Variants in LRRTM3 observed in about 807,000 individuals in gnomAD.
LRRTM3 encodes leucine-rich repeat transmembrane neuronal protein 3.
Under a neutral mutation model 44.7 loss-of-function variants are expected in LRRTM3, and 24 were observed. That is an observed-to-expected ratio of 0.54 (90% CI 0.39 to 0.76). The LOEUF (loss-of-function observed/expected upper bound fraction) is 0.76. Ranked by LOEUF, LRRTM3 falls within the 30% of genes least tolerant of loss-of-function variation. The pLI is 0.00. For missense variants in LRRTM3, 587 were observed against 702.2 expected, an observed-to-expected ratio of 0.84 and a Z score of 1.85; for synonymous variants, 277 against 278.7, an observed-to-expected ratio of 0.99 and a Z score of 0.06.
intron 2 of LRRTM3, among the ~76,000 whole-genome samples, chr10:67,087,405 T>G (rs927868794): frequency 3.9e-5 from 6 of 152,004 alleles, no homozygotes; most frequent in Non-Finnish European, 7.4e-5. Flanking sequence ...ACACATAACA[T>G]TTTGCAATTT....
At chr10:67,068,931 G>C (rs1267271570) in intron 2 of LRRTM3, among the ~76,000 whole-genome samples, 2 of 151,988 alleles carry the variant, frequency 1.3e-5, no homozygotes, top group Non-Finnish European at 2.9e-5. Context: ...CTGGTGGCAG[G>C]TACCTGTAAT....
chr10:67,013,506 C>T (rs1852468037), intron 2 of LRRTM3, among the ~76,000 whole-genome samples: 1 of 152,102 alleles, frequency 6.6e-6, no homozygotes, highest in African/African-American at 2.4e-5. Context: ...ACGTGCTGTG[C>T]AAAAAGTCAC....
intron 2 of LRRTM3, among the ~76,000 whole-genome samples, chr10:66,946,976 T>C (rs1012657024): frequency 6.6e-6 from 1 of 152,194 alleles, no homozygotes; most frequent in Non-Finnish European, 1.5e-5. Context: ...AATCTATTCA[T>C]GTACACAACC....
chr10:67,076,708 G>C (rs1589703628), intron 2 of LRRTM3, among the ~76,000 whole-genome samples: 1 of 152,152 alleles, frequency 6.6e-6, no homozygotes, highest in Non-Finnish European at 1.5e-5. Context: ...TGGTACAGGG[G>C]ACTGAATTTG....
intron 2 of LRRTM3, among the ~76,000 whole-genome samples, chr10:66,982,833 G>A (rs958649915): frequency 2.0e-5 from 3 of 152,126 alleles, no homozygotes; most frequent in Non-Finnish European, 2.9e-5. Flanking sequence ...GAGAACATTA[G>A]GGACCCTAAG....
At chr10:66,957,377 T>A (rs967365559) in intron 2 of LRRTM3, among the ~76,000 whole-genome samples, 3 of 85,360 alleles carry the variant, frequency 3.5e-5, no homozygotes, top group Non-Finnish European at 4.7e-5. Flanking sequence ...CCAGAATATG[T>A]GTGTGTATAT....
chr10:67,068,508 A>G (rs780291848), intron 2 of LRRTM3, among the ~76,000 whole-genome samples: 4 of 152,204 alleles, frequency 2.6e-5, no homozygotes, highest in Non-Finnish European at 5.9e-5. Flanking sequence ...ATAGTGAGTG[A>G]GGTCTTAAAG....
At chr10:67,008,205 T>C (rs997715830) in intron 2 of LRRTM3, among the ~76,000 whole-genome samples, 2 of 152,112 alleles carry the variant, frequency 1.3e-5, no homozygotes, top group Admixed American at 6.6e-5. Context: ...GTTGGGACCA[T>C]TACTTGCTAT....
At chr10:66,933,935 G>T (rs766518965) in intron 2 of LRRTM3, among the ~76,000 whole-genome samples, 68 of 152,082 alleles carry the variant, frequency 4.5e-4, no homozygotes, top group Non-Finnish European at 8.4e-4. Context: ...CATATCTAAA[G>T]ATCAGAGAGA....
chr10:66,927,174 G>A lies in LRRTM3; in HGVS notation c.258G>A (p.Gln86=). The A allele has an allele frequency of 6.2e-7, 1 of 1,614,128 alleles. No individual in the cohort carries two copies. The highest frequency in any genetic ancestry group is 8.5e-7 in the Non-Finnish European group (1 of 1,180,022). The change falls in exon 2 of 3, where the codon CAG becomes CAA. Residue 86 remains glutamine (Q), a synonymous_variant. Coordinates refer to ENST00000361320, the MANE Select transcript of LRRTM3 (RefSeq NM_178011.5). This position sits in a 1 kb window ranked among gnomAD's most constrained non-coding sequence, Gnocchi z 4.7. ...LKYNQFKGLN[Q]LTWLYLDHNH... is the part of the protein sequence containing the mutation. ...ATAATCAATTTAAAGGGCTCAACCA[G>A]CTCACCTGGCTATACCTTGACCATA... is the stretch of plus-strand genomic sequence containing the variant.
intron 2 of LRRTM3, among the ~76,000 whole-genome samples, chr10:67,065,548 C>T (rs146334601): frequency 3.5e-4 from 53 of 152,240 alleles, no homozygotes; most frequent in Middle Eastern, 3.4e-3. Context: ...GAAGTATAAG[C>T]TTCCCACTCT....
chr10:67,072,597 T>C (rs1254035103), intron 2 of LRRTM3, among the ~76,000 whole-genome samples: 2 of 152,146 alleles, frequency 1.3e-5, no homozygotes, highest in African/African-American at 2.4e-5. Flanking sequence ...TGGGGCTAGA[T>C]TGCAGTTTTA....
chr10:66,932,285 A>C (rs1316541578), intron 2 of LRRTM3, among the ~76,000 whole-genome samples: 7 of 152,196 alleles, frequency 4.6e-5, no homozygotes, highest in Non-Finnish European at 7.3e-5. Flanking sequence ...TAGGTGCATG[A>C]AATATCTCTT....
chr10:67,081,674 C>T (rs914551579), intron 2 of LRRTM3, among the ~76,000 whole-genome samples: 6 of 152,158 alleles, frequency 3.9e-5, no homozygotes, highest in African/African-American at 1.4e-4. Context: ...TTGCTCCTGC[C>T]ATTTTGAGTA....
At chr10:66,981,228 T>C (rs1417538746) in intron 2 of LRRTM3, among the ~76,000 whole-genome samples, 1 of 152,174 alleles carries the variant, frequency 6.6e-6, no homozygotes, top group Non-Finnish European at 1.5e-5. Context: ...TAGTAGTTTA[T>C]TCCTAAATCA....
At chr10:66,991,212 T>A (rs886939211) in intron 2 of LRRTM3, among the ~76,000 whole-genome samples, 8 of 152,208 alleles carry the variant, frequency 5.3e-5, no homozygotes, top group Non-Finnish European at 1.0e-4. Flanking sequence ...TATGCCAGGT[T>A]TTCTAAATTT....
At chr10:67,030,505 A>C (rs114731327) in intron 2 of LRRTM3, among the ~76,000 whole-genome samples, 4,559 of 152,140 alleles carry the variant, frequency 0.03, 248 homozygotes, top group African/African-American at 0.1. Flanking sequence ...AAAATATATA[A>C]ATACATAAAT....
chr10:67,055,113 C>T (rs1193319003), intron 2 of LRRTM3: 1 of 152,082 alleles, frequency 6.6e-6, no homozygotes. Context: ...GTCAGCACAT[C>T]CTGGGTCCAA....
At chr10:66,929,685 C>A (rs905879859) in intron 2 of LRRTM3, among the ~76,000 whole-genome samples, 2 of 152,314 alleles carry the variant, frequency 1.3e-5, no homozygotes, top group Non-Finnish European at 2.9e-5. Flanking sequence ...AATGTCCCTG[C>A]GTTCATCTGT....
Sources: gnomAD v4.1 joint callset for allele counts (sites outside exome capture counted in the v4.1 genomes callset) on GRCh38, gnomAD v4.1.1 for gene constraint, Gnocchi (gnomAD v3.1) non-coding constraint, MANE v1.5 for transcripts, NCBI Gene and HGNC (gene_info 2026-07-23, HGNC 2026-07-21) for gene names.